The following PDE6A variants were observed in gnomAD, a reference collection of about 807,000 sequenced individuals.
The protein encoded by PDE6A is rod cGMP-specific 3',5'-cyclic phosphodiesterase subunit alpha.
A neutral mutation model predicts 106.3 loss-of-function variants in PDE6A; 84 were observed. The ratio of observed to expected loss-of-function variants is 0.79; its 90% CI spans 0.66 to 0.95. The LOEUF (loss-of-function observed/expected upper bound fraction) is 0.95, where lower values mean the gene tolerates loss of function less well. Among genes scored for constraint, PDE6A ranks in the 40% least tolerant of loss-of-function variants. PDE6A has a pLI of 0.00. For missense variants in PDE6A, 1,052 were observed against 1,084.9 expected, an observed-to-expected ratio of 0.97 and a Z score of 0.43; for synonymous variants, 394 against 386.6, an observed-to-expected ratio of 1.02 and a Z score of -0.23.
chr5:149,911,426 A>G (rs1753382724), intron 6 of PDE6A, among the ~76,000 whole-genome samples: 1 of 152,168 alleles, frequency 6.6e-6, no homozygotes, highest in Non-Finnish European at 1.5e-5. Context: ...TACACAACAA[A>G]TCATTGCCCA....
intron 1 of PDE6A, among the ~76,000 whole-genome samples, chr5:149,939,094 G>T (rs895576791): frequency 3.9e-5 from 6 of 152,186 alleles, no homozygotes; most frequent in Admixed American, 1.3e-4. Context: ...CCAGGGCCAT[G>T]AATTGAGTAA....
chr5:149,896,675 A>G (rs1162231661), intron 11 of PDE6A, 36 bp downstream of exon 11: 10 of 1,614,092 alleles, frequency 6.2e-6, no homozygotes, highest in Middle Eastern at 1.7e-4. Flanking sequence ...TGCACTTGTT[A>G]TACATCGGGG....
At chr5:149,891,926 C>T (rs1330294834) in intron 13 of PDE6A, among the ~76,000 whole-genome samples, 5 of 152,226 alleles carry the variant, frequency 3.3e-5, no homozygotes, top group African/African-American at 1.2e-4. Flanking sequence ...ATGGATTTCA[C>T]TTAACTGCTC....
chr5:149,880,638 G>A (rs1581162393), intron 17 of PDE6A, among the ~76,000 whole-genome samples: 1 of 151,810 alleles, frequency 6.6e-6, no homozygotes, highest in South Asian at 2.1e-4. Flanking sequence ...CCTTGAACTC[G>A]GGAAGTGGAA....
At chr5:149,914,825 A>G (rs1339318213) in intron 6 of PDE6A, 118 bp downstream of exon 6, 2 of 772,758 alleles carry the variant, frequency 2.6e-6, no homozygotes, top group African/African-American at 3.4e-5. Context: ...CAACCTTGTC[A>G]GAACACTTAT....
rs73269731 is a variant in PDE6A at position 149,903,265 on chromosome 5, A to C, written c.1113+383T>G. Among the ~76,000 whole-genome samples, 449 of 150,518 alleles carry C rather than the reference A, an allele frequency of 3.0e-3. 1 individual carries two copies. Among genetic ancestry groups the C allele is most frequent in the African/African-American group, 0.011 (438 of 41,198 alleles). On this transcript the variant is annotated intron_variant, in intron 8 of 21. Transcript: ENST00000255266. ...TTTAATGTCTGAATCTGATCATGAA[A>C]CTTTGGAGCTTTTGTATATTATATA...
chr5:149,938,434 G>A (rs1353009584), intron 1 of PDE6A, among the ~76,000 whole-genome samples: 1 of 152,112 alleles, frequency 6.6e-6, no homozygotes, highest in Non-Finnish European at 1.5e-5. Flanking sequence ...AGGAAGTGCT[G>A]GTGAAGGGCT....
intron 1 of PDE6A, among the ~76,000 whole-genome samples, chr5:149,943,916 A>G (rs935326955): frequency 2.0e-5 from 3 of 152,172 alleles, no homozygotes; most frequent in Non-Finnish European, 4.4e-5. Flanking sequence ...TTTCTCCCAA[A>G]TGGGTCAGAG....
intron 6 of PDE6A, among the ~76,000 whole-genome samples, chr5:149,911,238 C>T (rs1753376161): frequency 6.6e-6 from 1 of 152,158 alleles, no homozygotes; most frequent in Admixed American, 6.6e-5. Context: ...TCCTTACACA[C>T]ACACAAAGGT....
At chr5:149,884,314 ATGTATATATG>A (rs1199653885) in intron 16 of PDE6A, among the ~76,000 whole-genome samples, 155 bp downstream of exon 16, 6 of 147,678 alleles carry the variant, frequency 4.1e-5, no homozygotes, top group South Asian at 4.3e-4. Flanking sequence ...ATGTGTATAT[ATGTATATATG>A]TGTATATATG....
Position 149,944,241 on chromosome 5 carries a change from C to T in PDE6A, c.433G>A (p.Ala145Thr), listed in dbSNP as rs35431421. The T allele has an allele frequency of 1.7e-3, 2,786 of 1,613,544 alleles. 42 individuals carry two copies. The African/African-American group carries it at 0.031, about 18-fold the overall frequency. Residue 145 changes from alanine to threonine, a missense_variant, in exon 1 of 22, where the codon GCA becomes ACA. By Grantham distance (58) the Ala-to-Thr change is moderately conservative (BLOSUM62 0). Transcript: ENST00000255266. Reference sequence around the variant, plus strand: ...ACGTTAGCAATCTTCTTAGAGTGTGCGACATGGCCCACGATGCCCATGTCC... The same window carrying T: ...ACGTTAGCAATCTTCTTAGAGTGTGTGACATGGCCCACGATGCCCATGTCC... ...PLDMGIVGHV[A>T]HSKKIANVPN...
At chr5:149,866,111 C>G (rs933765348) in intron 20 of PDE6A, 59 bp downstream of exon 20, 1 of 1,231,410 alleles carries the variant, frequency 8.1e-7, no homozygotes, top group Non-Finnish European at 1.2e-6. Context: ...CTGCTGTTGT[C>G]TGGAAATCCC....
chr5:149,902,737 G>C (rs1285279797), intron 8 of PDE6A, among the ~76,000 whole-genome samples: 1 of 151,790 alleles, frequency 6.6e-6, no homozygotes, highest in East Asian at 1.9e-4. Flanking sequence ...CAGGAGGATG[G>C]CGTGAACCTG....
At position 149,868,095 on chromosome 5, in the gene PDE6A, C is replaced by T; in HGVS notation, c.2199G>A (p.Gln733=). Reference sequence around the variant, plus strand: ...CTCTTGGGTCAGCAGGAGTTCATACCTGGCTCTGCACCTCCCAGGGTTTGG... The same window carrying T: ...CTCTTGGGTCAGCAGGAGTTCATACTTGGCTCTGCACCTCCCAGGGTTTGG... The part of the protein sequence containing the change: ...AITKPWEVQS[Q]VALLVAAEFW... Residue 733 remains glutamine (Q), a splice_region_variant and synonymous_variant, in exon 18 of 22, where the codon CAG becomes CAA. Coordinates refer to ENST00000255266, the MANE Select transcript of PDE6A (RefSeq NM_000440.3). 2 of 1,614,100 alleles carry T rather than the reference C, an allele frequency of 1.2e-6. No individual in the cohort carries two copies. Among genetic ancestry groups the T allele is most frequent in the Non-Finnish European group, 1.7e-6 (2 of 1,179,966 alleles).
intron 7 of PDE6A, among the ~76,000 whole-genome samples, chr5:149,904,311 C>A (rs141221441): frequency 6.6e-6 from 1 of 152,132 alleles, no homozygotes; most frequent in African/African-American, 2.4e-5. Context: ...TTTTCCTTTG[C>A]GTATAAACCC....
rs545951303 is a variant in PDE6A, at chr5:149,870,250, C to T, written c.2136-2092G>A. Among the ~76,000 whole-genome samples the T allele has an allele frequency of 5.3e-5, 8 of 152,324 alleles. No individual in the cohort carries two copies. In the South Asian group the frequency reaches 1.5e-3, roughly 28 times the overall value. On this transcript the variant is annotated intron_variant, in intron 17 of 21. Transcript: ENST00000255266. ...GCCACAGTGAGCTATGATCATGCCA[C>T]TGCATATTTTAAATTATGTAAACCC...
intron 1 of PDE6A, among the ~76,000 whole-genome samples, chr5:149,940,491 T>C (rs1754298440): frequency 7.0e-6 from 1 of 142,332 alleles, no homozygotes; most frequent in Admixed American, 7.2e-5. Context: ...GACCAAAAGA[T>C]ACCTGTTTGA....
chr5:149,871,680 C>T lies in PDE6A; in HGVS notation c.2136-3522G>A, dbSNP rs183175680. Among the ~76,000 whole-genome samples, 268 of 152,192 alleles carry T rather than the reference C, an allele frequency of 1.8e-3. 1 individual carries two copies. The highest frequency in any genetic ancestry group is 4.6e-3 in the Admixed American group (70 of 15,292). On this transcript the variant is annotated intron_variant, in intron 17 of 21. Coordinates refer to ENST00000255266, the MANE Select transcript of PDE6A (RefSeq NM_000440.3). ...GGCGGCCCATGCAGAGCCCAGGCGC[C>T]GCTGCGAGGGGATGGTTTTCATGCT...
chr5:149,921,912 C>A (rs959798076), intron 4 of PDE6A, among the ~76,000 whole-genome samples: 9 of 152,062 alleles, frequency 5.9e-5, no homozygotes, highest in African/African-American at 1.7e-4. Context: ...ATGAACTGGG[C>A]CTGTCTAGTC....
Sources: gnomAD v4.1 joint callset for allele counts (sites outside exome capture counted in the v4.1 genomes callset) on GRCh38, gnomAD v4.1.1 for gene constraint, MANE v1.5 for transcripts, NCBI Gene and HGNC (gene_info 2026-07-23, HGNC 2026-07-21) for gene names.